ATXN7: variants seen among roughly 807,000 people sequenced by gnomAD.
The protein encoded by ATXN7 is ataxin 7.
ATXN7 carries 12 observed loss-of-function variants against 70.5 expected under a neutral mutation model. That is an observed-to-expected ratio of 0.17 (90% confidence interval 0.11 to 0.28). ATXN7 has a LOEUF of 0.28. Ranked by LOEUF, ATXN7 falls within the 10% of genes least tolerant of loss-of-function variation. ATXN7 has a pLI of 1.00. For missense variants in ATXN7, 1,256 were observed against 1,131.7 expected, an observed-to-expected ratio of 1.11 and a Z score of -1.58; for synonymous variants, 498 against 448.7, an observed-to-expected ratio of 1.11 and a Z score of -1.39.
rs184806880 is a variant in ATXN7 at position 63,984,211 on chromosome 3, A to T, written c.1095+1190A>T. Among the ~76,000 whole-genome samples, 808 of 131,278 alleles carry T rather than the reference A, an allele frequency of 6.2e-3. 3 individuals are homozygous for T. The highest frequency in any genetic ancestry group is 9.1e-3 in the African/African-American group (304 of 33,430). The allele number at this position is 131,278 out of a possible 152,430, so 86.1% of individuals were successfully genotyped here. A position where few individuals can be genotyped will look rare whatever the true frequency, so the allele number is the denominator to read the frequency against. On this transcript the variant is annotated intron_variant, in intron 8 of 12. Transcript: ENST00000674280. ...GAGTACCTTTAAATATCTCATTTTTAAAAAAAAAAAACCACGGTCCATCTT... is the reference window on the plus strand; with the variant it reads ...GAGTACCTTTAAATATCTCATTTTTTAAAAAAAAAAACCACGGTCCATCTT...
chr3:63,918,863 A>G (rs1178153130), intron 4 of ATXN7, among the ~76,000 whole-genome samples: 2 of 152,196 alleles, frequency 1.3e-5, no homozygotes, highest in African/African-American at 2.4e-5. Context: ...ATGCACATGT[A>G]AGGAGCAGTC....
chr3:63,959,072 T>C (rs1162065516), intron 5 of ATXN7, among the ~76,000 whole-genome samples: 1 of 152,238 alleles, frequency 6.6e-6, no homozygotes, highest in Non-Finnish European at 1.5e-5. Context: ...AATTCAAAGA[T>C]ATAATGATGG....
intron 4 of ATXN7, among the ~76,000 whole-genome samples, chr3:63,929,566 C>T (rs891315358): frequency 7.2e-5 from 11 of 152,138 alleles, no homozygotes; most frequent in African/African-American, 1.9e-4. Context: ...CCACTGCGCC[C>T]GGCCTGCCTT....
intron 1 of ATXN7, among the ~76,000 whole-genome samples, chr3:63,884,632 C>A (rs932110342): frequency 6.6e-6 from 1 of 151,504 alleles, no homozygotes; most frequent in African/African-American, 2.4e-5. Context: ...ACATCACTGC[C>A]AATCTTTTTT....
intron 1 of ATXN7, among the ~76,000 whole-genome samples, chr3:63,866,610 C>T (rs1702438129): frequency 6.6e-6 from 1 of 152,140 alleles, no homozygotes; most frequent in African/African-American, 2.4e-5. Context: ...TTTATGAACT[C>T]TAAAATCTAT....
Position 63,876,617 on chromosome 3 carries a change from A to G in ATXN7, c.-111+12459A>G, listed in dbSNP as rs78364289. 5.5e-3 allele frequency among the ~76,000 whole-genome samples: 838 copies of G among 152,314 alleles called. 8 individuals carry two copies. The highest frequency in any genetic ancestry group is 0.019 in the African/African-American group (793 of 41,576). The stretch of plus-strand genomic sequence containing the variant: ...TAGCTCCTAGAAAAGATTTTTCAGT[A>G]CTATAAATGGCACTAAACTGAAAAA... On this transcript the variant is annotated intron_variant, in intron 1 of 12. Coordinates refer to ENST00000674280, the MANE Select transcript of ATXN7 (RefSeq NM_001377405.1).
intron 1 of ATXN7, among the ~76,000 whole-genome samples, chr3:63,890,591 G>A (rs1484047227): frequency 6.6e-6 from 1 of 152,048 alleles, no homozygotes; most frequent in Non-Finnish European, 1.5e-5. Flanking sequence ...TTGCTACCTC[G>A]TAGAAGTAAA....
chr3:63,955,397 A>G (rs1325234060), intron 5 of ATXN7, among the ~76,000 whole-genome samples: 1 of 152,124 alleles, frequency 6.6e-6, no homozygotes, highest in African/African-American at 2.4e-5. Flanking sequence ...CAAGAGGTTT[A>G]GAGGTGGATG....
At chr3:63,918,324 G>C (rs1704369553) in intron 4 of ATXN7, among the ~76,000 whole-genome samples, 1 of 152,192 alleles carries the variant, frequency 6.6e-6, no homozygotes, top group Non-Finnish European at 1.5e-5. Context: ...ACAGGTGTTT[G>C]TGAAGTATTT....
intron 4 of ATXN7, among the ~76,000 whole-genome samples, chr3:63,922,140 A>G (rs1046975882): frequency 5.3e-5 from 8 of 152,070 alleles, no homozygotes; most frequent in Admixed American, 2.0e-4. Context: ...CCTGGTCTCA[A>G]GCAATCCTCC....
Position 63,912,611 on chromosome 3 carries a change from G to A in ATXN7, c.13G>A (p.Ala5Thr). Residue 5 changes from alanine to threonine, a missense_variant, in exon 3 of 13, where the codon GCC (alanine) becomes ACC (threonine). Transcript: ENST00000674280. The stretch of plus-strand genomic sequence containing the variant: ...AGGAGCGGAAAGAATGTCGGAGCGG[G>A]CCGCGGATGACGTCAGGGGGGAGCC... MSER[A>T]ADDVRGEPRR... 2 of 1,097,312 alleles carry A rather than the reference G, an allele frequency of 1.8e-6. No homozygotes were observed. Among genetic ancestry groups the A allele is most frequent in the Non-Finnish European group, 1.1e-6 (1 of 889,970 alleles). The allele number at this position is 1,097,312 out of a possible 1,614,324, so 68.0% of individuals were successfully genotyped here.
At chr3:63,997,718 C>A in intron 12 of ATXN7, 1 of 1,550,760 alleles carries the variant, frequency 6.4e-7, no homozygotes, top group Admixed American at 2.0e-5. Flanking sequence ...TTTTTTTCCC[C>A]TTCCTCGTCT....
intron 4 of ATXN7, 50 bp downstream of exon 4, chr3:63,913,275 A>T (rs748558639): frequency 1.3e-6 from 2 of 1,558,404 alleles, no homozygotes; most frequent in Non-Finnish European, 1.8e-6. Context: ...GGGAAGTTTC[A>T]TTGACAGTTC....
At chr3:63,913,383 G>T (rs560294043) in intron 4 of ATXN7, among the ~76,000 whole-genome samples, 158 bp downstream of exon 4, 2 of 152,168 alleles carry the variant, frequency 1.3e-5, no homozygotes, top group Non-Finnish European at 2.9e-5. Flanking sequence ...AGAGCGCTTG[G>T]AAAGTTTGGT....
chr3:63,980,102 G>T lies in ATXN7; in HGVS notation c.687G>T (p.Leu229=). The part of the protein sequence containing the change: ...SKLLKSPKEK[L]QLRGNTRPMH... ...TGTTGAAATCACCCAAAGAGAAACT[G>T]CAGCTCAGGGGGAACACCAGGCCAA... Residue 229 remains leucine, a synonymous_variant, in exon 6 of 13, where the codon CTG becomes CTT. Coordinates refer to ENST00000674280, the MANE Select transcript of ATXN7 (RefSeq NM_001377405.1). 6.2e-7 allele frequency: 1 copy of T among 1,614,186 alleles called. No homozygotes were observed. Among genetic ancestry groups the T allele is most frequent in the South Asian group, 1.1e-5 (1 of 91,078 alleles).
At chr3:63,939,101 G>C (rs2074712583) in intron 4 of ATXN7, among the ~76,000 whole-genome samples, 1 of 151,960 alleles carries the variant, frequency 6.6e-6, no homozygotes, top group Non-Finnish European at 1.5e-5. Flanking sequence ...GGCTTCTTTG[G>C]TATCTTGGCT....
At chr3:63,873,848 T>C (rs1702667827) in intron 1 of ATXN7, 1 of 152,194 alleles carries the variant, frequency 6.6e-6, no homozygotes. Flanking sequence ...GGGATACAGG[T>C]GTGTGCCACC....
chr3:63,974,471 GTTGCC>G (rs1161542443), intron 5 of ATXN7, among the ~76,000 whole-genome samples: 2 of 152,248 alleles, frequency 1.3e-5, no homozygotes, highest in Non-Finnish European at 2.9e-5. Context: ...GAGCAGGCAA[GTTGCC>G]TTGTGCTTTC....
At chr3:63,958,079 C>T (rs868659871) in intron 5 of ATXN7, among the ~76,000 whole-genome samples, 31 of 152,106 alleles carry the variant, frequency 2.0e-4, no homozygotes, top group Middle Eastern at 3.2e-3. Context: ...TGTTCACAAA[C>T]GGAAGTGTCA....
Sources: allele counts gnomAD v4.1 joint callset (sites outside exome capture counted in the v4.1 genomes callset), GRCh38; gene constraint gnomAD v4.1.1; transcripts MANE v1.5; gene names NCBI Gene and HGNC (gene_info 2026-07-23, HGNC 2026-07-21).